NLGN4X: variants seen among roughly 807,000 people sequenced by gnomAD.
NLGN4X encodes neuroligin 4 X-linked.
Under a neutral mutation model 40.3 loss-of-function variants are expected in NLGN4X, and 3 were observed. The observed-to-expected ratio is 0.07, with a 90% CI of 0.03 to 0.19. NLGN4X has a LOEUF of 0.19. Among genes scored for constraint, NLGN4X ranks in the 10% least tolerant of loss-of-function variants. NLGN4X has a pLI of 1.00. For synonymous variants in NLGN4X, 270 were observed against 306.8 expected (o/e 0.88, Z 1.25); for missense variants, 382 against 708.3 (o/e 0.54, Z 5.23).
At position 5,893,346 on chromosome X, in the gene NLGN4X, A is replaced by G. The variant is rs1399973180; in HGVS notation, c.1922T>C (p.Ile641Thr). Residue 641 changes from isoleucine to threonine, a missense_variant, in exon 6 of 6, where the codon ATC becomes ACC. Ile to Thr is a moderately conservative substitution (Grantham distance 89). Around this residue, in one of 5 missense-constraint regions of NLGN4X, gnomAD observed 149 missense variants for 375.8 expected, o/e 0.40. Coordinates refer to ENST00000381095, the MANE Select transcript of NLGN4X (RefSeq NM_181332.3). ...KIWPTTKRPA[I>T]TPANNPKHSK... ...GTGTTTGGGATTGTTGGCAGGAGTG[A>G]TTGCTGGGCGTTTGGTGGTTGGCCA... is the stretch of plus-strand genomic sequence containing the variant. 1 of 1,210,526 alleles carries G rather than the reference A, an allele frequency of 8.3e-7. No individual in the cohort carries two copies. Among genetic ancestry groups the G allele is most frequent in the Non-Finnish European group, 1.1e-6 (1 of 895,177 alleles).
chrX:6,098,060 C>T (rs1287657746), intron 2 of NLGN4X, among the ~76,000 whole-genome samples: 2 of 112,664 alleles, frequency 1.8e-5, no homozygotes, highest in African/African-American at 6.4e-5. Flanking sequence ...TAGGCCCAGG[C>T]CGGAGGATCG....
At chrX:6,146,424 C>G (rs1460529118) in intron 2 of NLGN4X, among the ~76,000 whole-genome samples, 1 of 111,954 alleles carries the variant, frequency 8.9e-6, no homozygotes, top group Non-Finnish European at 1.9e-5. Context: ...TCTTTGTTCC[C>G]TAACTAGGAT....
intron 2 of NLGN4X, among the ~76,000 whole-genome samples, chrX:6,032,070 C>T (rs372039076): frequency 1.0e-5 from 1 of 96,788 alleles, no homozygotes; most frequent in African/African-American, 3.8e-5. Flanking sequence ...CCCACCCCCC[C>T]TTAAATGCTG....
intron 3 of NLGN4X, among the ~76,000 whole-genome samples, chrX:5,913,716 A>G (rs2032628367): frequency 8.9e-6 from 1 of 112,110 alleles, no homozygotes; most frequent in African/African-American, 3.2e-5. Flanking sequence ...TACACACACA[A>G]GAGATATCAA....
chrX:6,180,406 T>A (rs991561230), intron 1 of NLGN4X, among the ~76,000 whole-genome samples: 3 of 110,338 alleles, frequency 2.7e-5, no homozygotes, highest in Non-Finnish European at 5.7e-5. Flanking sequence ...TGCCCCTCTC[T>A]CTCTCTTCCT....
intron 2 of NLGN4X, among the ~76,000 whole-genome samples, chrX:6,108,352 T>A (rs1450359292): frequency 1.8e-5 from 2 of 111,859 alleles, no homozygotes; most frequent in Non-Finnish European, 3.8e-5. Context: ...AATATTATTT[T>A]TTGTAGAATA....
intron 4 of NLGN4X, among the ~76,000 whole-genome samples, chrX:5,907,579 G>A (rs949846903): frequency 5.4e-5 from 6 of 111,583 alleles, no homozygotes; most frequent in African/African-American, 2.0e-4. Context: ...ACATCTGGTT[G>A]AGGTAACATG....
At chrX:6,221,260 T>C (rs1369154687) in intron 1 of NLGN4X, among the ~76,000 whole-genome samples, 1 of 104,484 alleles carries the variant, frequency 9.6e-6, no homozygotes, top group Non-Finnish European at 1.9e-5. Flanking sequence ...TTTTTAATTT[T>C]TGTTTCTTTG....
intron 2 of NLGN4X, among the ~76,000 whole-genome samples, chrX:6,138,491 G>A (rs1364876973): frequency 1.8e-5 from 2 of 111,521 alleles, no homozygotes; most frequent in Admixed American, 1.9e-4. Context: ...AGCTGTAAAC[G>A]TCTTTATCGG....
At position 5,938,202 on chromosome X, in the gene NLGN4X, G is replaced by C. The variant is rs181703753; in HGVS notation, c.626-28963C>G. Among the ~76,000 whole-genome samples the C allele has an allele frequency of 1.1e-4, 12 of 111,598 alleles. 1 individual carries two copies. In the East Asian group the frequency reaches 3.4e-3, roughly 32 times the overall value. On this transcript the variant is annotated intron_variant, in intron 3 of 5. Coordinates refer to ENST00000381095, the MANE Select transcript of NLGN4X (RefSeq NM_181332.3). ...AGGTCAAGGGTTAGGATAGCTTTCA[G>C]GTATGGAGGAAGGTTCATGTTAGGA...
chrX:6,003,340 G>C (rs1469440314), intron 3 of NLGN4X, among the ~76,000 whole-genome samples: 2 of 112,321 alleles, frequency 1.8e-5, no homozygotes, highest in Non-Finnish European at 3.8e-5. Flanking sequence ...CTGTTACCTA[G>C]GTTTTGCTCT....
At chrX:5,990,146 G>A (rs1167407512) in intron 3 of NLGN4X, among the ~76,000 whole-genome samples, 1 of 107,019 alleles carries the variant, frequency 9.3e-6, no homozygotes, top group Non-Finnish European at 1.9e-5. Context: ...AACAACAAGC[G>A]GCGAAGACAA....
At position 6,162,541 on chromosome X, in the gene NLGN4X, C is replaced by T. The variant is rs750316953; in HGVS notation, c.-305-10770G>A. Reference sequence around the variant, plus strand: ...GTGCTAGATGCTTCCTGCCCTCAAACATCAGACTCCAAGTCCTTCAGCTTT... The same window carrying T: ...GTGCTAGATGCTTCCTGCCCTCAAATATCAGACTCCAAGTCCTTCAGCTTT... On this transcript the variant is annotated intron_variant, in intron 1 of 5. Transcript: ENST00000381095. 3.6e-5 allele frequency among the ~76,000 whole-genome samples: 4 copies of T among 111,882 alleles called. No individual in the cohort carries two copies. The East Asian group carries it at 8.5e-4, about 24-fold the overall frequency.
intron 1 of NLGN4X, among the ~76,000 whole-genome samples, chrX:6,201,942 A>G (rs1923656456): frequency 9.0e-6 from 1 of 111,605 alleles, no homozygotes; most frequent in African/African-American, 3.3e-5. Context: ...ACAGTACGGA[A>G]GGAAGAGGAG....
chrX:5,997,727 C>A (rs1476870780), intron 3 of NLGN4X, among the ~76,000 whole-genome samples: 1 of 108,263 alleles, frequency 9.2e-6, no homozygotes, highest in East Asian at 2.9e-4. Context: ...CCTCAAAACA[C>A]CATAAGACTC....
At chrX:6,028,698 A>G (rs2036775471) in intron 3 of NLGN4X, among the ~76,000 whole-genome samples, 1 of 111,233 alleles carries the variant, frequency 9.0e-6, no homozygotes, top group African/African-American at 3.3e-5. Flanking sequence ...AAGAAATGAA[A>G]CATCAAAACA....
At chrX:5,922,478 T>C (rs1421719892) in intron 3 of NLGN4X, among the ~76,000 whole-genome samples, 1 of 111,932 alleles carries the variant, frequency 8.9e-6, no homozygotes, top group African/African-American at 3.2e-5. Context: ...CAATTATTAC[T>C]TGTCAATTAA....
intron 2 of NLGN4X, among the ~76,000 whole-genome samples, chrX:6,031,464 CTG>C (rs199870663): frequency 0.034 from 3,824 of 110,935 alleles, 176 homozygotes; most frequent in African/African-American, 0.12. Context: ...TAAGGGAAGA[CTG>C]GGCACAGCAA....
In NLGN4X at chrX:6,095,102, C is replaced by T. The variant is rs73627051; in HGVS notation, c.472+55893G>A. 7.7e-3 allele frequency among the ~76,000 whole-genome samples: 678 copies of T among 88,271 alleles called. 3 individuals carry two copies. Among genetic ancestry groups the T allele is most frequent in the Non-Finnish European group, 0.01 (459 of 44,126 alleles). The allele number at this position is 88,271 out of a possible 115,157, so 76.7% of individuals were successfully genotyped here. On this transcript the variant is annotated intron_variant, in intron 2 of 5. Transcript: ENST00000381095. ...GGCTAAGGCTTTAAGTACGTGCGTG[C>T]GTGTGTGTGTGTGTGTGTGTGTGTG...
Sources: allele counts gnomAD v4.1 joint callset (sites outside exome capture counted in the v4.1 genomes callset), GRCh38; gene constraint gnomAD v4.1.1; regional missense constraint gnomAD v4.1.1; transcripts MANE v1.5; gene names NCBI Gene and HGNC (gene_info 2026-07-23, HGNC 2026-07-21).